MMP2: variants seen among roughly 807,000 people sequenced by gnomAD.
MMP2 encodes matrix metallopeptidase 2.
In MMP2, 39 loss-of-function variants were observed where a neutral mutation model predicts 74.8. That is an observed-to-expected ratio of 0.52 (90% confidence interval 0.40 to 0.68). The LOEUF is 0.68. MMP2 is among the 30% of genes least tolerant of loss of function. MMP2 has a pLI of 0.00. For missense variants in MMP2, 803 were observed against 878.3 expected (o/e 0.91, Z 1.08); for synonymous variants, 367 against 339.8 (o/e 1.08, Z -0.88).
Position 55,482,917 on chromosome 16 carries a change from G to C in MMP2, c.162G>C (p.Leu54=). 6.2e-7 allele frequency: 1 copy of C among 1,614,128 alleles called. No individual in the cohort carries two copies. The highest frequency in any genetic ancestry group is 2.2e-5 in the East Asian group (1 of 44,878). ...GTGTGCATTTCTTTCAGCAATACCT[G>C]AACACCTTCTATGGCTGCCCCAAGG... ...KTDKELAVQY[L]NTFYGCPKES... The change falls in exon 2 of 13, where the codon CTG becomes CTC. Residue 54 remains leucine (L), a synonymous_variant. Transcript: ENST00000219070.
intron 9 of MMP2, among the ~76,000 whole-genome samples, chr16:55,496,461 AG>A (rs1212693199): frequency 6.6e-6 from 1 of 152,222 alleles, no homozygotes; most frequent in Non-Finnish European, 1.5e-5. Context: ...CATGGCATTT[AG>A]TAGGACCCTC....
At chr16:55,492,138 A>G (rs979628701) in intron 8 of MMP2, among the ~76,000 whole-genome samples, 182 bp downstream of exon 8, 4 of 152,278 alleles carry the variant, frequency 2.6e-5, no homozygotes, top group South Asian at 4.1e-4. Flanking sequence ...CCAAGGGGAT[A>G]CTTGGATAAC....
intron 3 of MMP2, among the ~76,000 whole-genome samples, chr16:55,484,958 C>T (rs1387849452): frequency 6.6e-6 from 1 of 151,942 alleles, no homozygotes; most frequent in Non-Finnish European, 1.5e-5. Context: ...TGGAGGATGG[C>T]ATAGACACTG....
intron 12 of MMP2, among the ~76,000 whole-genome samples, chr16:55,503,144 G>A (rs994060583): frequency 6.6e-6 from 1 of 152,168 alleles, no homozygotes; most frequent in African/African-American, 2.4e-5. Context: ...AGGGGAGGGC[G>A]GAAGGCCTGG....
intron 11 of MMP2, 115 bp downstream of exon 11, chr16:55,498,563 C>T: frequency 1.4e-6 from 2 of 1,381,036 alleles, no homozygotes; most frequent in South Asian, 2.3e-5. Context: ...CTCTGGATGC[C>T]CTCTCTCTGG....
At position 55,505,649 on chromosome 16, in the gene MMP2, G is replaced by C. The variant is rs1962782971; in HGVS notation, c.*207G>C. On this transcript the variant is annotated 3_prime_UTR_variant, in exon 13 of 13. Transcript: ENST00000219070. The stretch of plus-strand genomic sequence containing the variant: ...TAGATGCTGACTGTACTCCTCCCAG[G>C]CGCCCCTTCCCCCTCCAATCCCACC... 1 of 604,972 alleles carries C rather than the reference G, an allele frequency of 1.7e-6. No individual in the cohort carries two copies. Among genetic ancestry groups the C allele is most frequent in the Non-Finnish European group, 3.0e-6 (1 of 338,292 alleles). The allele number at this position is 604,972 out of a possible 1,614,324, so 37.5% of individuals were successfully genotyped here. A position where few individuals can be genotyped will look rare whatever the true frequency, so the allele number is the denominator to read the frequency against.
intron 12 of MMP2, 31 bp downstream of exon 12, chr16:55,502,919 A>C (rs1239556252): frequency 6.4e-7 from 1 of 1,560,652 alleles, no homozygotes; most frequent in Non-Finnish European, 8.8e-7. Flanking sequence ...TCCGCTTTCT[A>C]GGACTCCCCG....
chr16:55,498,516 C>T, intron 11 of MMP2, 68 bp downstream of exon 11: 6 of 1,605,882 alleles, frequency 3.7e-6, no homozygotes, highest in Non-Finnish European at 4.3e-6. Flanking sequence ...CGCCCTGAGG[C>T]TTCAAGCCTC....
intron 8 of MMP2, among the ~76,000 whole-genome samples, 188 bp from the exon 9 acceptor site, chr16:55,492,970 A>G (rs1221063942): frequency 6.6e-6 from 1 of 152,150 alleles, no homozygotes; most frequent in African/African-American, 2.4e-5. Flanking sequence ...AAAAGCATAT[A>G]TAAAGTACAA....
intron 6 of MMP2, 118 bp from the exon 7 acceptor site, chr16:55,489,533 G>T: frequency 7.9e-7 from 1 of 1,259,556 alleles, no homozygotes; most frequent in Non-Finnish European, 1.2e-6. Context: ...TAAAGATACA[G>T]TGCCTGGGAC....
chr16:55,485,672 G>A lies in MMP2; in HGVS notation c.727G>A (p.Glu243Lys), dbSNP rs577053508. 1.8e-5 allele frequency: 29 copies of A among 1,614,136 alleles called. No homozygotes were observed. In the East Asian group the frequency reaches 6.0e-4, roughly 33 times the overall value. ...CKFPFLFNGK[E>K]YNSCTDTGRS... ...GTTCCCCTTCTTGTTCAATGGCAAGGAGTACAACAGCTGCACTGATACCGG... is the reference window on the plus strand; with the variant it reads ...GTTCCCCTTCTTGTTCAATGGCAAGAAGTACAACAGCTGCACTGATACCGG... The change falls in exon 5 of 13, where the codon GAG becomes AAG. Residue 243 changes from glutamate to lysine, a missense_variant. By Grantham distance (56) the Glu-to-Lys change is moderately conservative. Transcript: ENST00000219070.
rs1962736472 is a variant in MMP2 at position 55,504,081 on chromosome 16, C to A, written c.1879+1193C>A. ...GGTGAGCAGAGAGGATCGCTTGAGCCCAGGAGTTTAAGGCTGCAGTGAGCC... is the reference window on the plus strand; with the variant it reads ...GGTGAGCAGAGAGGATCGCTTGAGCACAGGAGTTTAAGGCTGCAGTGAGCC... On this transcript the variant is annotated intron_variant, in intron 12 of 12. Coordinates refer to ENST00000219070, the MANE Select transcript of MMP2 (RefSeq NM_004530.6). 5.3e-5 allele frequency among the ~76,000 whole-genome samples: 8 copies of A among 152,048 alleles called. 1 individual carries two copies. The highest frequency in any genetic ancestry group is 5.2e-4 in the Admixed American group (8 of 15,264).
intron 10 of MMP2, 31 bp downstream of exon 10, chr16:55,497,093 A>G: frequency 6.2e-7 from 1 of 1,613,580 alleles, no homozygotes; most frequent in Non-Finnish European, 8.5e-7. Flanking sequence ...CTTGGCCCTC[A>G]GCTCCACAGG....
At chr16:55,502,604 G>A (rs1181501986) in intron 11 of MMP2, among the ~76,000 whole-genome samples, 175 bp from the exon 12 acceptor site, 1 of 152,144 alleles carries the variant, frequency 6.6e-6, no homozygotes, top group African/African-American at 2.4e-5. Context: ...CTGAGGCTCA[G>A]ACTCAGGTCT....
chr16:55,498,165 A>G (rs1962575609), intron 10 of MMP2, 124 bp from the exon 11 acceptor site: 2 of 1,252,878 alleles, frequency 1.6e-6, no homozygotes, highest in Non-Finnish European at 2.3e-6. Flanking sequence ...ACCAGGAGTG[A>G]GCAGGAAGTT....
In MMP2 at chr16:55,488,692, A is replaced by G; in HGVS notation, c.982A>G (p.Lys328Glu). Reference protein sequence around the residue: ...GTTEDYDRDKKYGFCPETAMS... With the variant: ...GTTEDYDRDKEYGFCPETAMS... ...CACTGAGGACTACGACCGCGACAAG[A>G]AGTATGGCTTCTGCCCTGAGACCGG... Residue 328 changes from lysine (K) to glutamate (E), a missense_variant, in exon 6 of 13, where the codon AAG becomes GAG. Lys to Glu is a moderately conservative substitution (Grantham distance 56, BLOSUM62 1). This residue lies in a region of MMP2 where 555 missense variants were observed against 592.0 expected (regional missense o/e 0.94). Transcript: ENST00000219070. 1 of 1,609,352 alleles carries G rather than the reference A, an allele frequency of 6.2e-7. No individual in the cohort carries two copies. The highest frequency in any genetic ancestry group is 1.1e-5 in the South Asian group (1 of 90,136).
rs137912216 is a variant in MMP2, at chr16:55,497,013, T to C, written c.1560T>C (p.Ile520=). ...ATFWPELPEK[I]DAVYEAPQEE... Reference sequence around the variant, plus strand: ...TCTGGCCTGAGCTCCCGGAAAAGATTGATGCGGTATACGAGGCCCCACAGG... The same window carrying C: ...TCTGGCCTGAGCTCCCGGAAAAGATCGATGCGGTATACGAGGCCCCACAGG... The change falls in exon 10 of 13, where the codon ATT becomes ATC. Residue 520 remains isoleucine (I), a synonymous_variant. Transcript: ENST00000219070. The C allele has an allele frequency of 3.3e-5, 54 of 1,614,042 alleles. No homozygotes were observed. Among genetic ancestry groups the C allele is most frequent in the Non-Finnish European group, 4.4e-5 (52 of 1,180,042 alleles).
At chr16:55,488,404 C>A in intron 5 of MMP2, 139 bp from the exon 6 acceptor site, 1 of 872,246 alleles carries the variant, frequency 1.1e-6, no homozygotes, top group South Asian at 1.5e-5. Flanking sequence ...AGCTCCTTAC[C>A]AACCAGTAGA....
Position 55,488,560 on chromosome 16 carries a change from G to A in MMP2, c.850G>A (p.Gly284Ser), listed in dbSNP as rs776710534. The change falls in exon 6 of 13, where the codon GGC (glycine) becomes AGC (serine). Residue 284 changes from glycine to serine, a missense_variant. By Grantham distance (56) the Gly-to-Ser change is moderately conservative (BLOSUM62 0). This residue lies in a region of MMP2 where 555 missense variants were observed against 592.0 expected (regional missense o/e 0.94). Transcript: ENST00000219070. ...ACCCTTAGCCCTGTTCACCATGGGC[G>A]GCAACGCTGAAGGACAGCCCTGCAA... The part of the protein sequence containing the change: ...CPHEALFTMG[G>S]NAEGQPCKFP... The A allele has an allele frequency of 6.2e-6, 10 of 1,613,700 alleles. No individual in the cohort carries two copies. The highest frequency in any genetic ancestry group is 4.4e-5 in the South Asian group (4 of 90,948).
Sources: allele counts gnomAD v4.1 joint callset (sites outside exome capture counted in the v4.1 genomes callset), GRCh38; gene constraint gnomAD v4.1.1; regional missense constraint gnomAD v4.1.1; transcripts MANE v1.5; gene names NCBI Gene and HGNC (gene_info 2026-07-23, HGNC 2026-07-21).